The following LRP1B variants were observed in gnomAD, a reference collection of about 807,000 sequenced individuals.
The protein encoded by LRP1B is LDL receptor related protein 1B.
Under a neutral mutation model 556.6 loss-of-function variants are expected in LRP1B, and 217 were observed. The observed-to-expected ratio is 0.39, with a 90% CI of 0.35 to 0.44. The LOEUF is 0.44. LRP1B is among the 20% of genes least tolerant of loss of function. LRP1B has a pLI of 1.00. For synonymous variants in LRP1B, 2,047 were observed against 1,865.8 expected (o/e 1.10, Z -2.50); for missense variants, 5,053 against 5,620.8 (o/e 0.90, Z 3.23).
At chr2:141,219,336 C>T (rs970891114) in intron 6 of LRP1B, among the ~76,000 whole-genome samples, 9 of 152,320 alleles carry the variant, frequency 5.9e-5, no homozygotes, top group East Asian at 1.9e-4. Context: ...TGGCAGATCA[C>T]GGCAAGATTG....
chr2:140,882,095 G>T (rs902096692), intron 25 of LRP1B, among the ~76,000 whole-genome samples: 1 of 152,124 alleles, frequency 6.6e-6, no homozygotes, highest in African/African-American at 2.4e-5. Flanking sequence ...TCTCATGTTG[G>T]TATACATGCT....
intron 2 of LRP1B, among the ~76,000 whole-genome samples, chr2:141,743,486 C>CTTTTTTTTTTTTTTCTTTTTTTTTTTTT (rs797003836): frequency 9.3e-6 from 1 of 108,034 alleles, no homozygotes; most frequent in African/African-American, 3.9e-5. Context: ...CTGCTTTTTT[C>CTTTTTTTTTTTTTTCTTTTTTTTTTTTT]TTTTTTTTTT....
Position 140,541,921 on chromosome 2 carries a change from G to T in LRP1B, c.7245C>A (p.Asp2415Glu), listed in dbSNP as rs746010418. ...PGTFLSLAVYDNYIFWSDWGR... is the reference protein window; with the variant it reads ...PGTFLSLAVYENYIFWSDWGR... ...CCCAGTCCGACCAGAATATATAATT[G>T]TCATAAACAGCCAAACTGAGGAAAG... The change falls in exon 44 of 91, where the codon GAC (aspartate) becomes GAA (glutamate). Residue 2415 changes from aspartate to glutamate, a missense_variant. Asp to Glu is a conservative substitution (Grantham distance 45, BLOSUM62 2). Coordinates refer to ENST00000389484, the MANE Select transcript of LRP1B (RefSeq NM_018557.3). The T allele has an allele frequency of 2.5e-6, 4 of 1,610,812 alleles. No homozygotes were observed. In the African/African-American group the frequency reaches 5.3e-5, roughly 22 times the overall value.
intron 7 of LRP1B, among the ~76,000 whole-genome samples, chr2:141,065,281 A>G (rs1250681755): frequency 6.6e-6 from 1 of 151,922 alleles, no homozygotes; most frequent in Non-Finnish European, 1.5e-5. Context: ...TCCATCTCTT[A>G]AGAAGGTTAG....
chr2:141,342,602 C>T (rs1311527405), intron 3 of LRP1B, among the ~76,000 whole-genome samples: 1 of 151,616 alleles, frequency 6.6e-6, no homozygotes, highest in African/African-American at 2.4e-5. Context: ...CCGAACTGAG[C>T]AAGCAGAAGA....
intron 82 of LRP1B, among the ~76,000 whole-genome samples, chr2:140,315,452 A>G (rs1684479551): frequency 6.6e-6 from 1 of 152,044 alleles, no homozygotes; most frequent in African/African-American, 2.4e-5. Context: ...TTGCTCTGTC[A>G]CCCAGACTGG....
intron 2 of LRP1B, among the ~76,000 whole-genome samples, chr2:141,686,700 T>G (rs540987561): frequency 6.6e-6 from 1 of 152,128 alleles, no homozygotes; most frequent in South Asian, 2.1e-4. Flanking sequence ...ATGTTGAAAC[T>G]TCATCCCCAA....
Position 140,295,801 on chromosome 2 carries a change from G to A in LRP1B, c.12967+2007C>T, listed in dbSNP as rs1322781882. On this transcript the variant is annotated intron_variant, in intron 84 of 90. Transcript: ENST00000389484. ...TAGAAAAATCTCAATAAATGTGACT[G>A]TGATAGCAATTTTATTGTGAATAAA... Among the ~76,000 whole-genome samples the A allele has an allele frequency of 2.6e-4, 3 of 11,664 alleles. No homozygotes were observed. The Non-Finnish European group carries it at 0.015, about 58-fold the overall frequency. The allele number at this position is 11,664 out of a possible 152,430, so 7.7% of individuals were successfully genotyped here.
At chr2:141,132,307 T>C (rs72992721) in intron 7 of LRP1B, among the ~76,000 whole-genome samples, 4,123 of 151,998 alleles carry the variant, frequency 0.027, 183 homozygotes, top group African/African-American at 0.094. Flanking sequence ...GTTATTGCTC[T>C]CACAAGACTG....
At chr2:140,337,226 T>C (rs1264355243) in intron 77 of LRP1B, among the ~76,000 whole-genome samples, 1 of 151,880 alleles carries the variant, frequency 6.6e-6, no homozygotes, top group East Asian at 1.9e-4. Flanking sequence ...TCCAATGCTG[T>C]TTATGATCAG....
At chr2:141,555,697 A>T (rs866646528) in intron 2 of LRP1B, among the ~76,000 whole-genome samples, 36 of 152,040 alleles carry the variant, frequency 2.4e-4, no homozygotes, top group South Asian at 1.0e-3. Context: ...AATAAATGTT[A>T]AAAACCCTTA....
rs567041096 is a variant in LRP1B, at chr2:141,091,686, C to T, written c.1014-29413G>A. Among the ~76,000 whole-genome samples, 10 of 152,236 alleles carry T rather than the reference C, an allele frequency of 6.6e-5. No homozygotes were observed. The South Asian group carries it at 1.5e-3, about 22-fold the overall frequency. On this transcript the variant is annotated intron_variant, in intron 7 of 90. Transcript: ENST00000389484. ...TGGGATAGGCTCCAGCCACCTGAAA[C>T]ACTGAGCTGGAATAAGGAAGTTGGA...
intron 29 of LRP1B, 123 bp from the exon 30 acceptor site, chr2:140,841,215 G>A (rs1332055152): frequency 2.3e-5 from 14 of 608,548 alleles, no homozygotes; most frequent in Admixed American, 6.7e-5. Context: ...AGCTAAAATC[G>A]CACAAGATTG....
intron 23 of LRP1B, among the ~76,000 whole-genome samples, chr2:140,890,968 A>T (rs1693780390): frequency 6.6e-6 from 1 of 152,142 alleles, no homozygotes; most frequent in South Asian, 2.1e-4. Context: ...TATGTGAAGT[A>T]GCCATCCATT....
intron 32 of LRP1B, among the ~76,000 whole-genome samples, chr2:140,807,457 C>T (rs1267363676): frequency 6.6e-6 from 1 of 151,900 alleles, no homozygotes. Flanking sequence ...TCTCCTGCCT[C>T]AGCCTACTGA....
intron 2 of LRP1B, among the ~76,000 whole-genome samples, chr2:141,480,940 T>C (rs1189656495): frequency 6.6e-6 from 1 of 152,160 alleles, no homozygotes; most frequent in Non-Finnish European, 1.5e-5. Context: ...CTTGTTAGAA[T>C]TACATCAGGT....
intron 25 of LRP1B, among the ~76,000 whole-genome samples, chr2:140,874,328 T>A (rs1693236126): frequency 6.6e-6 from 1 of 152,196 alleles, no homozygotes; most frequent in African/African-American, 2.4e-5. Flanking sequence ...TCACTGTTTT[T>A]GATTTTCTCT....
At chr2:141,119,167 C>T (rs911680779) in intron 7 of LRP1B, among the ~76,000 whole-genome samples, 1 of 151,826 alleles carries the variant, frequency 6.6e-6, no homozygotes. Flanking sequence ...TATAGACGCC[C>T]TTGTTCAAAA....
rs2105020459 is a variant in LRP1B at position 140,541,864 on chromosome 2, G to A, written c.7302C>T (p.Tyr2434=). ...GAAGAATTTTTGTATCTCCTCCTGT[G>A]TACTTGTTGGACCGCAGTATAGCTC... ...GRRAILRSNK[Y]TGGDTKILRS... is the part of the protein sequence containing the mutation. Residue 2434 remains tyrosine (Y), a synonymous_variant, in exon 44 of 91, where the codon TAC becomes TAT. Transcript: ENST00000389484. 1 of 1,612,876 alleles carries A rather than the reference G, an allele frequency of 6.2e-7. No individual in the cohort carries two copies. The highest frequency in any genetic ancestry group is 1.1e-5 in the South Asian group (1 of 91,022).
Sources: allele counts gnomAD v4.1 joint callset (sites outside exome capture counted in the v4.1 genomes callset), GRCh38; gene constraint gnomAD v4.1.1; transcripts MANE v1.5; gene names NCBI Gene and HGNC (gene_info 2026-07-23, HGNC 2026-07-21).